The following ZNF350 variants were observed in gnomAD, a reference collection of about 807,000 sequenced individuals.
The protein encoded by ZNF350 is KRAB zinc finger protein ZFQR.
Under a neutral mutation model 13.1 loss-of-function variants are expected in ZNF350, and 5 were observed. The ratio of observed to expected loss-of-function variants is 0.38; its 90% confidence interval spans 0.20 to 0.80. The LOEUF (loss-of-function observed/expected upper bound fraction) is 0.80, where lower values mean the gene tolerates loss of function less well. Ranked by LOEUF, ZNF350 falls within the 30% of genes least tolerant of loss-of-function variation. ZNF350 has a pLI of 0.43. For missense variants in ZNF350, 534 were observed against 644.2 expected (o/e 0.83, Z 1.85); for synonymous variants, 199 against 224.2 (o/e 0.89, Z 1.00).
Position 51,965,094 on chromosome 19 carries a change from C to G in ZNF350, c.1359G>C (p.Glu453Asp). Reference sequence around the variant, plus strand: ...TAGTCGCCCCGTTAGCAGAGTTTTTCTCCTGCATGACATCACTGGTGTGTA... The same window carrying G: ...TAGTCGCCCCGTTAGCAGAGTTTTTGTCCTGCATGACATCACTGGTGTGTA... ...SSLHTSDVMQEKNSANGATTQ... is the reference protein window; with the variant it reads ...SSLHTSDVMQDKNSANGATTQ... The change falls in exon 5 of 5, where the codon GAG (glutamate) becomes GAC (aspartate). Residue 453 changes from glutamate (E) to aspartate (D), a missense_variant. Physicochemically the swap from Glu to Asp is conservative, Grantham distance 45. Coordinates refer to ENST00000243644, the MANE Select transcript of ZNF350 (RefSeq NM_021632.4). 1 of 1,614,218 alleles carries G rather than the reference C, an allele frequency of 6.2e-7. No homozygotes were observed. The highest frequency in any genetic ancestry group is 8.5e-7 in the Non-Finnish European group (1 of 1,180,046).
At chr19:51,973,306 A>G (rs1253188623) in intron 2 of ZNF350, 2 of 152,114 alleles carry the variant, frequency 1.3e-5, no homozygotes, top group East Asian at 1.9e-4. Context: ...CAGATGACCT[A>G]TGTGGCTGAT....
chr19:51,966,203 C>T lies in ZNF350; in HGVS notation c.250G>A (p.Val84Ile), dbSNP rs768761928. The change falls in exon 5 of 5, where the codon GTT becomes ATT. Residue 84 changes from valine to isoleucine, a missense_variant. Physicochemically the swap from Val to Ile is conservative, Grantham distance 29. Transcript: ENST00000243644. ...HSGACSDIWK[V>I]DHVLERLQSE... ...TGCAAGCGCTCCAGCACATGATCAA[C>T]TTTCCATATGTCTAGAAAGAAAAGA... The T allele has an allele frequency of 1.3e-6, 2 of 1,574,032 alleles. No individual in the cohort carries two copies. The highest frequency in any genetic ancestry group is 3.9e-5 in the Admixed American group (2 of 50,812).
intron 1 of ZNF350, among the ~76,000 whole-genome samples, chr19:51,984,421 A>G (rs2086123965): frequency 1.3e-5 from 2 of 152,188 alleles, no homozygotes; most frequent in Non-Finnish European, 2.9e-5. Context: ...ATATCCTGCT[A>G]GGGGAACTGT....
intron 4 of ZNF350, 152 bp downstream of exon 4, chr19:51,968,426 A>G: frequency 1.5e-6 from 1 of 677,638 alleles, no homozygotes; most frequent in African/African-American, 1.8e-5. Flanking sequence ...TTTTAACTCT[A>G]AATTCCTACA....
At position 51,974,305 on chromosome 19, in the gene ZNF350, T is replaced by C. The variant is rs746767376; in HGVS notation, c.15+41A>G. The C allele has an allele frequency of 1.7e-5, 27 of 1,609,378 alleles. No individual in the cohort carries two copies. In the Admixed American group the frequency reaches 2.0e-4, roughly 12 times the overall value. On this transcript the variant is annotated intron_variant, in intron 2 of 4. Transcript: ENST00000243644. Reference sequence around the variant, plus strand: ...TTTATAGGCTTCTACAAATCTATTATGGAACAAAGGAAAGAATAAAACAAA... The same window carrying C: ...TTTATAGGCTTCTACAAATCTATTACGGAACAAAGGAAAGAATAAAACAAA...
intron 1 of ZNF350, among the ~76,000 whole-genome samples, chr19:51,979,379 G>C (rs2085977966): frequency 6.6e-6 from 1 of 152,096 alleles, no homozygotes; most frequent in Non-Finnish European, 1.5e-5. Flanking sequence ...CACGATCAGG[G>C]AGAGTGGGCT....
At chr19:51,982,063 CTA>C (rs2122958732) in intron 1 of ZNF350, 1 of 152,032 alleles carries the variant, frequency 6.6e-6, no homozygotes, top group African/African-American at 2.4e-5. Context: ...AAATTAAAAA[CTA>C]AAAAAAAAAT....
chr19:51,972,801 GAAAAC>G (rs2085778054), intron 2 of ZNF350, among the ~76,000 whole-genome samples: 1 of 151,952 alleles, frequency 6.6e-6, no homozygotes, highest in African/African-American at 2.4e-5. Flanking sequence ...TATGTGAAAA[GAAAAC>G]TTTTTCTCTT....
At chr19:51,969,240 T>C (rs1487763428) in intron 2 of ZNF350, 109 bp from the exon 3 acceptor site, 2 of 1,342,270 alleles carry the variant, frequency 1.5e-6, no homozygotes, top group Non-Finnish European at 2.0e-6. Flanking sequence ...ATATACCAAA[T>C]AGTTTTTTTT....
At chr19:51,979,406 C>T (rs1291931621) in intron 1 of ZNF350, among the ~76,000 whole-genome samples, 1 of 152,120 alleles carries the variant, frequency 6.6e-6, no homozygotes, top group Non-Finnish European at 1.5e-5. Flanking sequence ...CCCCTAACTC[C>T]CCGTGACATA....
intron 1 of ZNF350, 136 bp downstream of exon 1, chr19:51,986,634 C>G (rs935043297): frequency 1.3e-5 from 2 of 152,550 alleles, no homozygotes; most frequent in African/African-American, 4.8e-5. Context: ...AATGCCTATA[C>G]CCCGGCGCTC....
chr19:51,982,575 G>A (rs1364703644), intron 1 of ZNF350, among the ~76,000 whole-genome samples: 1 of 152,056 alleles, frequency 6.6e-6, no homozygotes, highest in Non-Finnish European at 1.5e-5. Flanking sequence ...AAGATGGGCT[G>A]GAAAACAAAG....
chr19:51,986,692 T>C (rs2086164232), intron 1 of ZNF350, 78 bp downstream of exon 1: 1 of 152,354 alleles, frequency 6.6e-6, no homozygotes, highest in Non-Finnish European at 1.5e-5. Context: ...CACCACGTCC[T>C]CAGATCTCCC....
At chr19:51,977,576 G>A (rs1285028410) in intron 1 of ZNF350, among the ~76,000 whole-genome samples, 1 of 152,168 alleles carries the variant, frequency 6.6e-6, no homozygotes, top group Admixed American at 6.5e-5. Flanking sequence ...AAATGCGCCT[G>A]GGCCACAATC....
Position 51,974,749 on chromosome 19 carries a change from G to A in ZNF350, c.-171-218C>T, listed in dbSNP as rs7256399. 549 of 162,574 alleles carry A rather than the reference G, an allele frequency of 3.4e-3. 3 individuals are homozygous for A. The highest frequency in any genetic ancestry group is 0.012 in the African/African-American group (509 of 41,904). The allele number at this position is 162,574 out of a possible 1,614,324, so 10.1% of individuals were successfully genotyped here. On this transcript the variant is annotated intron_variant, in intron 1 of 4. Coordinates refer to ENST00000243644, the MANE Select transcript of ZNF350 (RefSeq NM_021632.4). ...TTTCCTCTGTGACGTTTCCGTGGAA[G>A]GACTGTGAAGGCAGGTAGGAAATGA... is the stretch of plus-strand genomic sequence containing the variant.
In ZNF350 at chr19:51,965,059, G is replaced by A. The variant is rs754872854; in HGVS notation, c.1394C>T (p.Pro465Leu). Residue 465 changes from proline (P) to leucine (L), a missense_variant, in exon 5 of 5, where the codon CCT (proline) becomes CTT (leucine). Pro to Leu is a moderately conservative substitution (Grantham distance 98). Coordinates refer to ENST00000243644, the MANE Select transcript of ZNF350 (RefSeq NM_021632.4). The part of the protein sequence containing the change: ...NSANGATTQV[P>L]SVAPQTSLNI... Reference sequence around the variant, plus strand: ...TAATGATGTCTGAGGGGCCACAGAAGGCACTTGTGTAGTCGCCCCGTTAGC... The same window carrying A: ...TAATGATGTCTGAGGGGCCACAGAAAGCACTTGTGTAGTCGCCCCGTTAGC... 2.0e-5 allele frequency: 33 copies of A among 1,614,204 alleles called. No homozygotes were observed. Among genetic ancestry groups the A allele is most frequent in the Non-Finnish European group, 2.7e-5 (32 of 1,180,028 alleles).
rs777071645 is a variant in ZNF350, at chr19:51,974,349, G to A, written c.12C>T (p.Ala4=). ...AAACAAACCAAAAGTCAGTTACCTGGGCCTGGATCATTTTCTTCTGTTCTT... is the reference window on the plus strand; with the variant it reads ...AAACAAACCAAAAGTCAGTTACCTGAGCCTGGATCATTTTCTTCTGTTCTT... MIQ[A]QESITLEDVA... The change falls in exon 2 of 5, where the codon GCC becomes GCT. Residue 4 remains alanine, a synonymous_variant. Transcript: ENST00000243644. 1 of 1,613,666 alleles carries A rather than the reference G, an allele frequency of 6.2e-7. No homozygotes were observed. Among genetic ancestry groups the A allele is most frequent in the Non-Finnish European group, 8.5e-7 (1 of 1,179,776 alleles).
At position 51,983,301 on chromosome 19, in the gene ZNF350, T is replaced by TC. The variant is rs571573468; in HGVS notation, c.-172+3468dup. ...GAAAGCCTGGGTATTGTCCAAGGTTTCCTCCCACTGATACAGCCTGAGATA... is the reference window on the plus strand; with the variant it reads ...GAAAGCCTGGGTATTGTCCAAGGTTTCCCTCCCACTGATACAGCCTGAGATA... On this transcript the variant is annotated intron_variant, in intron 1 of 4. Coordinates refer to ENST00000243644, the MANE Select transcript of ZNF350 (RefSeq NM_021632.4). Among the ~76,000 whole-genome samples, 1,195 of 152,226 alleles carry TC rather than the reference T, an allele frequency of 7.9e-3. 21 individuals are homozygous for TC. Among genetic ancestry groups the TC allele is most frequent in the Non-Finnish European group, 7.1e-3 (485 of 68,018 alleles).
chr19:51,976,069 GT>G lies in ZNF350; in HGVS notation c.-171-1539del, dbSNP rs2085886668. ...TCTACTGCGACATCTAGAGAATGCAGTCTTGCAAGACTACTCTGGACCCCTG... is the reference window on the plus strand; with the variant it reads ...TCTACTGCGACATCTAGAGAATGCAGCTTGCAAGACTACTCTGGACCCCTG... On this transcript the variant is annotated intron_variant, in intron 1 of 4. Coordinates refer to ENST00000243644, the MANE Select transcript of ZNF350 (RefSeq NM_021632.4). This position sits in a 1 kb window ranked among gnomAD's most constrained non-coding sequence, Gnocchi z 4.5. Among the ~76,000 whole-genome samples the G allele has an allele frequency of 6.6e-6, 1 of 150,512 alleles. No individual in the cohort carries two copies. Among genetic ancestry groups the G allele is most frequent in the African/African-American group, 2.4e-5 (1 of 41,164 alleles).
Sources: gnomAD v4.1 joint callset for allele counts (sites outside exome capture counted in the v4.1 genomes callset) on GRCh38, gnomAD v4.1.1 for gene constraint, Gnocchi (gnomAD v3.1) non-coding constraint, MANE v1.5 for transcripts, NCBI Gene and HGNC (gene_info 2026-07-23, HGNC 2026-07-21) for gene names.